GRM5: variants seen among roughly 807,000 people sequenced by gnomAD.
GRM5 encodes the protein metabotropic glutamate receptor 5.
Under a neutral mutation model 83.1 loss-of-function variants are expected in GRM5, and 19 were observed. The observed-to-expected ratio is 0.23, with a 90% CI of 0.16 to 0.34. The LOEUF is 0.34. Among genes scored for constraint, GRM5 ranks in the 10% least tolerant of loss-of-function variants. The pLI is 1.00. For missense variants in GRM5, 1,160 were observed against 1,588.3 expected (o/e 0.73, Z 4.58); for synonymous variants, 675 against 633.6 (o/e 1.07, Z -0.98).
intron 3 of GRM5, among the ~76,000 whole-genome samples, chr11:88,705,256 G>A (rs1306912637): frequency 6.6e-6 from 1 of 152,028 alleles, no homozygotes; most frequent in Non-Finnish European, 1.5e-5. Context: ...AGCAGTGCTT[G>A]AGCTGCACTC....
At chr11:88,600,714 T>G (rs1434599048) in intron 5 of GRM5, among the ~76,000 whole-genome samples, 1 of 152,200 alleles carries the variant, frequency 6.6e-6, no homozygotes, top group Middle Eastern at 3.2e-3. Flanking sequence ...CAGATGATAA[T>G]GAGGGATTTA....
chr11:88,942,132 T>C (rs1938135056), intron 2 of GRM5, among the ~76,000 whole-genome samples: 1 of 152,116 alleles, frequency 6.6e-6, no homozygotes, highest in African/African-American at 2.4e-5. Context: ...GAAATTTGTA[T>C]GGCCTGTGTA....
chr11:88,732,709 C>G (rs1941832369), intron 3 of GRM5, among the ~76,000 whole-genome samples: 1 of 151,978 alleles, frequency 6.6e-6, no homozygotes, highest in African/African-American at 2.4e-5. Context: ...AAAGAGACTT[C>G]TGATTAAGGG....
rs140317074 is a variant in GRM5, at chr11:88,567,675, C to A, written c.2008G>T (p.Ala670Ser). The change falls in exon 8 of 10, where the codon GCA (alanine) becomes TCA (serine). Residue 670 changes from alanine to serine, a missense_variant. By Grantham distance (99) the Ala-to-Ser change is moderately conservative. This residue lies in a region of GRM5 where 132 missense variants were observed against 245.5 expected (regional missense o/e 0.54). Coordinates refer to ENST00000305447, the MANE Select transcript of GRM5 (RefSeq NM_001143831.3). The surrounding 1 kb of genome is among the most constrained non-coding windows in gnomAD (Gnocchi z 7.3). ...SALVTKTNRIARILAGSKKKI... is the reference protein window; with the variant it reads ...SALVTKTNRISRILAGSKKKI... ...TTCTTGCTGCCAGCCAGGATCCTTG[C>A]AATACGGTTGGTCTTTGTTACAAGG... 1 of 1,614,014 alleles carries A rather than the reference C, an allele frequency of 6.2e-7. No individual in the cohort carries two copies. Among genetic ancestry groups the A allele is most frequent in the African/African-American group, 1.3e-5 (1 of 74,944 alleles).
At chr11:88,680,115 T>C (rs557772045) in intron 3 of GRM5, among the ~76,000 whole-genome samples, 7 of 152,284 alleles carry the variant, frequency 4.6e-5, no homozygotes, top group African/African-American at 1.7e-4. Flanking sequence ...AGTTCTAGGG[T>C]ACATGTGCAC....
At chr11:88,975,626 A>T (rs1427164523) in intron 2 of GRM5, among the ~76,000 whole-genome samples, 1 of 152,196 alleles carries the variant, frequency 6.6e-6, no homozygotes, top group Non-Finnish European at 1.5e-5. Flanking sequence ...GGAAATGTAA[A>T]ATCCTAGGCT....
At chr11:88,838,739 C>T (rs1377554343) in intron 3 of GRM5, among the ~76,000 whole-genome samples, 2 of 152,022 alleles carry the variant, frequency 1.3e-5, no homozygotes, top group Non-Finnish European at 2.9e-5. Context: ...TCTTTCTCTC[C>T]TCATTGTTTA....
At chr11:88,890,112 A>AACATCCCC (rs59391543) in intron 2 of GRM5, among the ~76,000 whole-genome samples, 141,819 of 150,396 alleles carry the variant, frequency 0.94, 66,924 homozygotes, top group South Asian at 0.97. Context: ...AAGATATGGA[A>AACATCCCC]ACATCCCCAC....
intron 2 of GRM5, among the ~76,000 whole-genome samples, chr11:88,977,964 A>G (rs1395619963): frequency 6.6e-6 from 1 of 152,164 alleles, no homozygotes; most frequent in African/African-American, 2.4e-5. Flanking sequence ...TTGTTTTATT[A>G]CCCTTTCATT....
intron 3 of GRM5, among the ~76,000 whole-genome samples, chr11:88,797,841 A>T (rs760351134): frequency 1.3e-5 from 2 of 150,350 alleles, no homozygotes; most frequent in African/African-American, 4.9e-5. Context: ...AAAAAAAAGC[A>T]TTATGGATCT....
At chr11:88,937,306 G>A (rs1590978733) in intron 2 of GRM5, among the ~76,000 whole-genome samples, 1 of 151,674 alleles carries the variant, frequency 6.6e-6, no homozygotes, top group East Asian at 1.9e-4. Flanking sequence ...GATATTCTCT[G>A]TATAGAGTAT....
At chr11:88,527,534 A>G (rs58754719) in intron 8 of GRM5, among the ~76,000 whole-genome samples, 18,361 of 152,168 alleles carry the variant, frequency 0.12, 1,285 homozygotes, top group Non-Finnish European at 0.16. Context: ...CAGCTTGGCA[A>G]TTTCTCAAAG....
intron 4 of GRM5, among the ~76,000 whole-genome samples, chr11:88,624,096 G>C (rs1352513852): frequency 6.6e-6 from 1 of 152,006 alleles, no homozygotes; most frequent in Non-Finnish European, 1.5e-5. Context: ...GTGTTTGATG[G>C]GCTTGTATGA....
At chr11:88,558,336 C>T (rs543996940) in intron 8 of GRM5, among the ~76,000 whole-genome samples, 21 of 152,248 alleles carry the variant, frequency 1.4e-4, no homozygotes, top group Non-Finnish European at 2.6e-4. Flanking sequence ...ACAATCCCAG[C>T]TTGTTGTTCT....
At chr11:88,803,228 G>C (rs1943434971) in intron 3 of GRM5, among the ~76,000 whole-genome samples, 1 of 151,354 alleles carries the variant, frequency 6.6e-6, no homozygotes, top group African/African-American at 2.4e-5. Flanking sequence ...GCATCACCAA[G>C]TCAATCCTAA....
At chr11:88,789,412 G>C (rs575490780) in intron 3 of GRM5, among the ~76,000 whole-genome samples, 1 of 152,146 alleles carries the variant, frequency 6.6e-6, no homozygotes, top group South Asian at 2.1e-4. Flanking sequence ...GAAAATTTAA[G>C]AATGAATTAT....
intron 3 of GRM5, among the ~76,000 whole-genome samples, chr11:88,803,712 A>G (rs1029503026): frequency 4.6e-5 from 7 of 152,108 alleles, no homozygotes; most frequent in South Asian, 2.1e-4. Flanking sequence ...AAGAGCTTCT[A>G]CACAGCAAAA....
At chr11:88,781,431 G>T (rs2135463340) in intron 3 of GRM5, among the ~76,000 whole-genome samples, 1 of 152,152 alleles carries the variant, frequency 6.6e-6, no homozygotes, top group Middle Eastern at 3.4e-3. Context: ...TTTGTTCAAA[G>T]ATATATTCAG....
intron 4 of GRM5, among the ~76,000 whole-genome samples, chr11:88,644,235 A>T (rs10831220): frequency 0.69 from 104,131 of 151,664 alleles, 41,551 homozygotes; most frequent in Non-Finnish European, 0.9. Flanking sequence ...CAGTTATATG[A>T]GGATTTTAGA....
Sources: gnomAD v4.1 joint callset for allele counts (sites outside exome capture counted in the v4.1 genomes callset) on GRCh38, gnomAD v4.1.1 for gene constraint, gnomAD v4.1.1 regional missense constraint, Gnocchi (gnomAD v3.1) non-coding constraint, MANE v1.5 for transcripts, NCBI Gene and HGNC (gene_info 2026-07-23, HGNC 2026-07-21) for gene names.